Variants in CPLANE1 observed in about 807,000 individuals in gnomAD.
CPLANE1 encodes ciliogenesis and planar polarity effector 1.
Under a neutral mutation model 362.5 loss-of-function variants are expected in CPLANE1, and 263 were observed. That is an observed-to-expected ratio of 0.73 (90% CI 0.66 to 0.80). The LOEUF (loss-of-function observed/expected upper bound fraction) is 0.80, where lower values mean the gene tolerates loss of function less well. Ranked by LOEUF, CPLANE1 falls within the 30% of genes least tolerant of loss-of-function variation. CPLANE1 has a pLI of 0.00. For synonymous variants in CPLANE1, 1,212 were observed against 1,302.6 expected (o/e 0.93, Z 1.50); for missense variants, 3,461 against 3,793.4 (o/e 0.91, Z 2.30).
chr5:37,241,377 C>T (rs894660796), intron 6 of CPLANE1, among the ~76,000 whole-genome samples: 2 of 152,046 alleles, frequency 1.3e-5, no homozygotes, highest in African/African-American at 4.8e-5. Flanking sequence ...ATCGCTTGAA[C>T]CTGGGAGGCA....
rs1760509908 is a variant in CPLANE1 at position 37,115,020 on chromosome 5, C to G, written c.9340G>C (p.Ala3114Pro). 6.2e-7 allele frequency: 1 copy of G among 1,610,552 alleles called. No individual in the cohort carries two copies. The highest frequency in any genetic ancestry group is 8.5e-7 in the Non-Finnish European group (1 of 1,177,812). ...GTATFTIQKK[A>P]GGAKAAVRKA... The stretch of plus-strand genomic sequence containing the variant: ...CTTACTGCTGCTTTGGCTCCACCAG[C>G]TTTTTTCTGTATGGTGAAAGTGGCA... Residue 3114 changes from alanine to proline, a missense_variant, in exon 51 of 53, where the codon GCT becomes CCT. Ala to Pro is a conservative substitution (Grantham distance 27). Coordinates refer to ENST00000651892, the MANE Select transcript of CPLANE1 (RefSeq NM_001384732.1).
chr5:37,146,297 G>A (rs899672382), intron 43 of CPLANE1, among the ~76,000 whole-genome samples: 4 of 151,956 alleles, frequency 2.6e-5, no homozygotes, highest in African/African-American at 9.7e-5. Context: ...TCCTGCCTCA[G>A]CCTCCTAAGT....
intron 5 of CPLANE1, 107 bp downstream of exon 5, chr5:37,244,268 G>A: frequency 1.6e-6 from 1 of 628,234 alleles, no homozygotes. Flanking sequence ...TTCCATACAA[G>A]AATTTCACAA....
intron 18 of CPLANE1, 28 bp downstream of exon 18, chr5:37,205,287 C>T (rs1255804799): frequency 2.4e-5 from 36 of 1,502,004 alleles, no homozygotes; most frequent in African/African-American, 4.2e-5. Flanking sequence ...TAATCTGACA[C>T]GAATCAGACT....
chr5:37,239,218 T>C (rs1184849883), intron 7 of CPLANE1, among the ~76,000 whole-genome samples: 2 of 152,150 alleles, frequency 1.3e-5, no homozygotes, highest in East Asian at 1.9e-4. Context: ...TTTTGAAAGT[T>C]ATGGGATCTA....
chr5:37,123,809 A>T (rs544036871), intron 47 of CPLANE1, among the ~76,000 whole-genome samples: 1 of 152,254 alleles, frequency 6.6e-6, no homozygotes, highest in Non-Finnish European at 1.5e-5. Context: ...TACAGACATG[A>T]GCCACTATTC....
chr5:37,118,975 G>A (rs958113535), intron 50 of CPLANE1, among the ~76,000 whole-genome samples: 2 of 152,082 alleles, frequency 1.3e-5, no homozygotes, highest in Non-Finnish European at 1.5e-5. Flanking sequence ...GCCTCCCAAA[G>A]TGCTGGGATT....
chr5:37,133,790 G>C (rs557975752), intron 46 of CPLANE1, among the ~76,000 whole-genome samples: 1 of 151,990 alleles, frequency 6.6e-6, no homozygotes, highest in Non-Finnish European at 1.5e-5. Flanking sequence ...GATTCCTCTG[G>C]CTAGGACTTC....
At chr5:37,244,053 T>C (rs1307603829) in intron 5 of CPLANE1, among the ~76,000 whole-genome samples, 1 of 151,870 alleles carries the variant, frequency 6.6e-6, no homozygotes, top group Non-Finnish European at 1.5e-5. Context: ...TTTCTCCATG[T>C]TGGTCAGGCT....
chr5:37,104,840 T>C (rs966520871), downstream of CPLANE1, among the ~76,000 whole-genome samples: 1 of 151,764 alleles, frequency 6.6e-6, no homozygotes, highest in African/African-American at 2.4e-5. Context: ...GAAGAATCAC[T>C]TAAACCCAGG....
intron 9 of CPLANE1, 95 bp from the exon 10 acceptor site, chr5:37,227,912 A>T (rs1796810587): frequency 8.1e-7 from 1 of 1,241,064 alleles, no homozygotes; most frequent in East Asian, 2.6e-5. Flanking sequence ...GTTACAGAAC[A>T]ATGAAAAAGC....
At chr5:37,239,968 C>T (rs1799967934) in intron 6 of CPLANE1, 99 bp from the exon 7 acceptor site, 2 of 740,900 alleles carry the variant, frequency 2.7e-6, no homozygotes, top group African/African-American at 1.8e-5. Flanking sequence ...CAAATTCCTA[C>T]ATGTGCACAT....
rs1347676803 is a variant in CPLANE1, at chr5:37,226,610, T to G, written c.1985A>C (p.Lys662Thr). 12 of 1,551,496 alleles carry G rather than the reference T, an allele frequency of 7.7e-6. No individual in the cohort carries two copies. The highest frequency in any genetic ancestry group is 9.6e-6 in the Non-Finnish European group (11 of 1,146,896). Residue 662 changes from lysine (K) to threonine (T), a missense_variant, in exon 12 of 53, where the codon AAG becomes ACG. Lys to Thr is a moderately conservative substitution (Grantham distance 78, BLOSUM62 -1). This residue lies in a region of CPLANE1 where 3,380 missense variants were observed against 3,666.1 expected (regional missense o/e 0.92). Coordinates refer to ENST00000651892, the MANE Select transcript of CPLANE1 (RefSeq NM_001384732.1). ...RYKQDVGHLI[K>T]LTSNTVKLLL... is the part of the protein sequence containing the mutation. ...AAGTTTTACAGTATTTGAGGTCAGC[T>G]TTATCAAATGCCCCACATCTTGTTT...
intron 16 of CPLANE1, chr5:37,211,618 A>T (rs1009080369): frequency 1.2e-6 from 1 of 850,782 alleles, no homozygotes; most frequent in Non-Finnish European, 2.1e-6. Flanking sequence ...AGTGAAATAT[A>T]TCTGGAAGGT....
chr5:37,146,973 A>G (rs1580160186), intron 43 of CPLANE1, among the ~76,000 whole-genome samples: 2 of 152,238 alleles, frequency 1.3e-5, no homozygotes, highest in Non-Finnish European at 2.9e-5. Flanking sequence ...AACAAGAAAT[A>G]TAACAATCCT....
At position 37,224,716 on chromosome 5, in the gene CPLANE1, C is replaced by A. The variant is rs1283649304; in HGVS notation, c.2316G>T (p.Leu772=). 6.4e-7 allele frequency: 1 copy of A among 1,550,448 alleles called. No homozygotes were observed. ...CTTGATACCATAAAGTTTTTTTGTACAGTATTCTCCAGAGAATAAGCAATC... is the reference window on the plus strand; with the variant it reads ...CTTGATACCATAAAGTTTTTTTGTAAAGTATTCTCCAGAGAATAAGCAATC... The part of the protein sequence containing the change: ...GHRLLILWRI[L]YKKTLWYQAQ... Residue 772 remains leucine, a synonymous_variant, in exon 13 of 53, where the codon CTG becomes CTT. Transcript: ENST00000651892.
intron 19 of CPLANE1, among the ~76,000 whole-genome samples, chr5:37,199,676 T>A (rs1304771203): frequency 1.3e-5 from 2 of 152,344 alleles, no homozygotes; most frequent in East Asian, 3.9e-4. Flanking sequence ...GATAATGAGA[T>A]AATGTGAGCA....
chr5:37,133,497 GGT>G (rs70976279), intron 46 of CPLANE1, among the ~76,000 whole-genome samples: 155 of 148,286 alleles, frequency 1.0e-3, no homozygotes, highest in East Asian at 4.4e-3. Context: ...TTTGGTTAGA[GGT>G]GTGTGTGTGT....
At chr5:37,227,843 G>C in intron 9 of CPLANE1, 26 bp from the exon 10 acceptor site, 2 of 1,515,746 alleles carry the variant, frequency 1.3e-6, no homozygotes, top group Non-Finnish European at 1.8e-6. Flanking sequence ...CAAAATACAA[G>C]AATCAGTAAG....
Sources: allele counts gnomAD v4.1 joint callset (sites outside exome capture counted in the v4.1 genomes callset), GRCh38; gene constraint gnomAD v4.1.1; regional missense constraint gnomAD v4.1.1; transcripts MANE v1.5; gene names NCBI Gene and HGNC (gene_info 2026-07-23, HGNC 2026-07-21).